Variants in WASF3 observed in about 807,000 individuals in gnomAD.
WASF3 encodes the protein WASP family member 3.
In WASF3, 11 loss-of-function variants were observed where a neutral mutation model predicts 46.6. The ratio of observed to expected loss-of-function variants is 0.24; its 90% CI spans 0.15 to 0.39. The LOEUF (loss-of-function observed/expected upper bound fraction) is 0.39, where lower values mean the gene tolerates loss of function less well. WASF3 is among the 10% of genes least tolerant of loss of function. The pLI, the probability that WASF3 is intolerant of heterozygous loss-of-function variation, is 1.00. For missense variants in WASF3, 576 were observed against 669.8 expected (o/e 0.86, Z 1.55); for synonymous variants, 242 against 259.7 (o/e 0.93, Z 0.65).
At chr13:26,628,104 A>G (rs138227252) in intron 2 of WASF3, among the ~76,000 whole-genome samples, 25 of 152,162 alleles carry the variant, frequency 1.6e-4, no homozygotes, top group African/African-American at 5.8e-4. Context: ...CTGAGACCTC[A>G]GAATAAATGC....
chr13:26,623,480 C>T (rs774224292), intron 2 of WASF3, among the ~76,000 whole-genome samples: 1 of 152,180 alleles, frequency 6.6e-6, no homozygotes, highest in Non-Finnish European at 1.5e-5. Context: ...GCAAGATCCT[C>T]TGCTTCTGGG....
intron 1 of WASF3, chr13:26,577,071 C>T: frequency 1.3e-6 from 1 of 759,034 alleles, no homozygotes; most frequent in Non-Finnish European, 2.4e-6. Flanking sequence ...CTGATGGCCT[C>T]AAGGGTCATG....
At chr13:26,633,803 A>G (rs1881731688) in intron 2 of WASF3, among the ~76,000 whole-genome samples, 1 of 152,138 alleles carries the variant, frequency 6.6e-6, no homozygotes, top group South Asian at 2.1e-4. Context: ...TGCGGTTTTG[A>G]ATGAGTTTCT....
chr13:26,686,139 G>A lies in WASF3; in HGVS notation c.*294G>A, dbSNP rs1593192422. 5.9e-6 allele frequency: 2 copies of A among 341,290 alleles called. No homozygotes were observed. The highest frequency in any genetic ancestry group is 5.1e-5 in the East Asian group (1 of 19,498). 21.1% of individuals were successfully genotyped at this position (341,290 alleles called of 1,614,324 possible). On this transcript the variant is annotated 3_prime_UTR_variant, in exon 10 of 10. Transcript: ENST00000335327. ...CCATGAGAGTATTTAGTGCAGTTTGGGTTTACTCTTACTGATCAATATAAC... is the reference window on the plus strand; with the variant it reads ...CCATGAGAGTATTTAGTGCAGTTTGAGTTTACTCTTACTGATCAATATAAC...
intron 1 of WASF3, among the ~76,000 whole-genome samples, chr13:26,569,706 C>T (rs997105618): frequency 4.6e-5 from 7 of 151,904 alleles, no homozygotes; most frequent in African/African-American, 1.5e-4. Flanking sequence ...AGACATTAAA[C>T]GAGGAGAAAT....
intron 1 of WASF3, among the ~76,000 whole-genome samples, chr13:26,568,872 A>G (rs985684982): frequency 2.0e-5 from 3 of 152,234 alleles, no homozygotes; most frequent in African/African-American, 7.2e-5. Context: ...GCCTGGCAGT[A>G]TGAATTAGTT....
At chr13:26,626,611 G>A (rs1338413605) in intron 2 of WASF3, among the ~76,000 whole-genome samples, 1 of 152,074 alleles carries the variant, frequency 6.6e-6, no homozygotes, top group African/African-American at 2.4e-5. Flanking sequence ...GGATAAAAAA[G>A]CAACACAACC....
chr13:26,582,143 A>G (rs936613764), intron 1 of WASF3, among the ~76,000 whole-genome samples: 1 of 152,198 alleles, frequency 6.6e-6, no homozygotes, highest in African/African-American at 2.4e-5. Context: ...CTTTCTGAAC[A>G]AAGTAGGTTA....
intron 1 of WASF3, chr13:26,577,264 G>A (rs2137162498): frequency 6.8e-6 from 5 of 738,992 alleles, no homozygotes; most frequent in Non-Finnish European, 9.9e-6. Context: ...GTTGATGTCA[G>A]GACTACCGAT....
chr13:26,627,060 T>C (rs1403851792), intron 2 of WASF3, among the ~76,000 whole-genome samples: 1 of 152,208 alleles, frequency 6.6e-6, no homozygotes, highest in Non-Finnish European at 1.5e-5. Context: ...TGAAATTCTT[T>C]AATCATTTGG....
chr13:26,587,108 A>G, intron 1 of WASF3, among the ~76,000 whole-genome samples: 1 of 149,386 alleles, frequency 6.7e-6, no homozygotes, highest in Non-Finnish European at 1.5e-5. Context: ...GCCTCAAAAA[A>G]AAAAAAAAAA....
At chr13:26,599,543 G>T (rs2137199378) in intron 1 of WASF3, among the ~76,000 whole-genome samples, 1 of 152,314 alleles carries the variant, frequency 6.6e-6, no homozygotes, top group Middle Eastern at 3.4e-3. Context: ...ACAGGAAAGA[G>T]TTGGCAAGTG....
chr13:26,617,167 A>G (rs543074166), intron 2 of WASF3, among the ~76,000 whole-genome samples: 1 of 152,268 alleles, frequency 6.6e-6, no homozygotes. Flanking sequence ...ACACTTGTTA[A>G]TTGTATTATT....
intron 2 of WASF3, among the ~76,000 whole-genome samples, chr13:26,614,587 A>G (rs1018893443): frequency 1.3e-4 from 20 of 152,314 alleles, no homozygotes; most frequent in Admixed American, 8.5e-4. Context: ...CCTGTATGTC[A>G]TGATGGGTTA....
chr13:26,570,602 CTT>C (rs372743098), intron 1 of WASF3, among the ~76,000 whole-genome samples: 41 of 152,022 alleles, frequency 2.7e-4, no homozygotes, highest in African/African-American at 9.4e-4. Flanking sequence ...ATTAATTACT[CTT>C]TATCAGATTC....
chr13:26,570,590 A>AGT (rs1879605719), intron 1 of WASF3, among the ~76,000 whole-genome samples: 1 of 151,988 alleles, frequency 6.6e-6, no homozygotes, highest in South Asian at 2.1e-4. Context: ...TATACTCTAG[A>AGT]AATTAATTAC....
At chr13:26,578,649 C>A (rs1482379833) in intron 1 of WASF3, among the ~76,000 whole-genome samples, 3 of 152,184 alleles carry the variant, frequency 2.0e-5, no homozygotes, top group Non-Finnish European at 4.4e-5. Flanking sequence ...CACAGTTCTT[C>A]TTTCTCCCTC....
rs909615382 is a variant in WASF3, at chr13:26,679,138, A to C, written c.717-1916A>C. Among the ~76,000 whole-genome samples, 3 of 151,592 alleles carry C rather than the reference A, an allele frequency of 2.0e-5. No homozygotes were observed. Among genetic ancestry groups the C allele is most frequent in the African/African-American group, 7.3e-5 (3 of 41,190 alleles). ...GTCCTCTCTTCTGTAATAGGTGATCACTGACCATCATGAGGCCTCGGGATC... is the reference window on the plus strand; with the variant it reads ...GTCCTCTCTTCTGTAATAGGTGATCCCTGACCATCATGAGGCCTCGGGATC... On this transcript the variant is annotated intron_variant, in intron 7 of 9. Coordinates refer to ENST00000335327, the MANE Select transcript of WASF3 (RefSeq NM_006646.6). The surrounding 1 kb of genome is among the most constrained non-coding windows in gnomAD (Gnocchi z 4.8).
intron 9 of WASF3, among the ~76,000 whole-genome samples, chr13:26,684,725 G>C (rs984383649): frequency 6.6e-6 from 1 of 152,126 alleles, no homozygotes; most frequent in African/African-American, 2.4e-5. Flanking sequence ...AAAAGTGTCT[G>C]TGTCTGTCTG....
Sources: allele counts gnomAD v4.1 joint callset (sites outside exome capture counted in the v4.1 genomes callset), GRCh38; gene constraint gnomAD v4.1.1; non-coding constraint Gnocchi (gnomAD v3.1); transcripts MANE v1.5; gene names NCBI Gene and HGNC (gene_info 2026-07-23, HGNC 2026-07-21).